Variants in ASAP2 observed in about 807,000 individuals in gnomAD.
The protein encoded by ASAP2 is arf-GAP with SH3 domain, ANK repeat and PH domain-containing protein 2.
In ASAP2, 45 loss-of-function variants were observed where a neutral mutation model predicts 131.4. The ratio of observed to expected loss-of-function variants is 0.34; its 90% CI spans 0.27 to 0.44. ASAP2 has a LOEUF of 0.44. Ranked by LOEUF, ASAP2 falls within the 20% of genes least tolerant of loss-of-function variation. ASAP2 has a pLI of 1.00. For missense variants in ASAP2, 1,011 were observed against 1,297.0 expected (o/e 0.78, Z 3.39); for synonymous variants, 510 against 503.0 (o/e 1.01, Z -0.19).
At chr2:9,295,546 C>T (rs914052945) in intron 2 of ASAP2, among the ~76,000 whole-genome samples, 4 of 152,218 alleles carry the variant, frequency 2.6e-5, no homozygotes, top group Admixed American at 2.0e-4. Flanking sequence ...GCTGACGCCG[C>T]AGGCCCAGCG....
chr2:9,338,147 T>C (rs543187792), intron 9 of ASAP2, among the ~76,000 whole-genome samples: 2 of 152,320 alleles, frequency 1.3e-5, no homozygotes, highest in African/African-American at 2.4e-5. Flanking sequence ...TCATCACTTG[T>C]GTGCAGGCTC....
intron 16 of ASAP2, among the ~76,000 whole-genome samples, chr2:9,374,462 G>A (rs953767635): frequency 5.3e-5 from 8 of 152,190 alleles, no homozygotes; most frequent in Admixed American, 2.0e-4. Flanking sequence ...TGACGAGGGC[G>A]ACAGTGAGGT....
At chr2:9,317,120 A>ACTCACATCCACATTCACACACTCC in intron 3 of ASAP2, among the ~76,000 whole-genome samples, 1 of 12,232 alleles carries the variant, frequency 8.2e-5, no homozygotes, top group African/African-American at 1.6e-4. Context: ...CCACGCAATC[A>ACTCACATCCACATTCACACACTCC]CAACCACACA....
intron 3 of ASAP2, among the ~76,000 whole-genome samples, chr2:9,301,976 G>A (rs966140174): frequency 6.6e-5 from 10 of 150,988 alleles, no homozygotes; most frequent in Non-Finnish European, 1.2e-4. Flanking sequence ...GGTGCCCACC[G>A]CCATGCCCGG....
chr2:9,341,489 G>A (rs766433407), intron 9 of ASAP2, among the ~76,000 whole-genome samples: 1 of 152,174 alleles, frequency 6.6e-6, no homozygotes, highest in South Asian at 2.1e-4. Context: ...CTGTTGAGAA[G>A]AATGTCCCTT....
chr2:9,365,866 C>G (rs907892437), intron 15 of ASAP2, among the ~76,000 whole-genome samples: 1 of 152,168 alleles, frequency 6.6e-6, no homozygotes, highest in Non-Finnish European at 1.5e-5. Flanking sequence ...AGAGTGTGCT[C>G]CTGAGGCCAC....
At chr2:9,343,365 A>C (rs1341982910) in intron 9 of ASAP2, among the ~76,000 whole-genome samples, 2 of 151,732 alleles carry the variant, frequency 1.3e-5, no homozygotes, top group African/African-American at 2.4e-5. Flanking sequence ...GTTTCCTTTA[A>C]GTCTCAGGGA....
In ASAP2 at chr2:9,210,953, C is replaced by T. The variant is rs113843535; in HGVS notation, c.126+3723C>T. ...GGCAGATCACTTGGGGTCAGGAGTT[C>T]GAAACCAGCCTGACCAACATGGAGA... On this transcript the variant is annotated intron_variant, in intron 1 of 27. Transcript: ENST00000281419. 3.1e-3 allele frequency among the ~76,000 whole-genome samples: 467 copies of T among 151,966 alleles called. 2 individuals carry two copies. Among genetic ancestry groups the T allele is most frequent in the African/African-American group, 0.01 (427 of 41,498 alleles).
rs73150994 is a variant in ASAP2 at position 9,404,260 on chromosome 2, G to C, written c.*933G>C. 6.6e-6 allele frequency: 1 copy of C among 152,170 alleles called. No individual in the cohort carries two copies. Among genetic ancestry groups the C allele is most frequent in the African/African-American group, 2.4e-5 (1 of 41,422 alleles). 9.4% of individuals were successfully genotyped at this position (152,170 alleles called of 1,614,324 possible). A position where few individuals can be genotyped will look rare whatever the true frequency, so the allele number is the denominator to read the frequency against. ...TCTAGCCCAGGAGAATGTTTACTCA[G>C]TTTAGTGTCTTGTATTTCTATAATA... is the stretch of plus-strand genomic sequence containing the variant. On this transcript the variant is annotated 3_prime_UTR_variant, in exon 28 of 28. Coordinates refer to ENST00000281419, the MANE Select transcript of ASAP2 (RefSeq NM_003887.3).
intron 1 of ASAP2, among the ~76,000 whole-genome samples, chr2:9,229,309 CT>C (rs1304929545): frequency 1.3e-5 from 2 of 152,154 alleles, no homozygotes; most frequent in Non-Finnish European, 2.9e-5. Flanking sequence ...CTGGACTGGA[CT>C]TTGCTCAGTG....
chr2:9,211,838 T>G (rs1472875707), intron 1 of ASAP2, among the ~76,000 whole-genome samples: 1 of 152,194 alleles, frequency 6.6e-6, no homozygotes, highest in Non-Finnish European at 1.5e-5. Flanking sequence ...TGAAAAACAG[T>G]TCCTCCAAGT....
chr2:9,353,741 G>A (rs898106157), intron 12 of ASAP2, among the ~76,000 whole-genome samples: 1 of 152,164 alleles, frequency 6.6e-6, no homozygotes, highest in African/African-American at 2.4e-5. Flanking sequence ...AGACTGGCTG[G>A]CTGGTTGCAG....
chr2:9,334,911 G>A (rs1006878219), intron 8 of ASAP2, 98 bp downstream of exon 8: 29 of 1,447,724 alleles, frequency 2.0e-5, no homozygotes, highest in South Asian at 7.1e-5. Flanking sequence ...TTTTCATGCC[G>A]TGCCGCCCAC....
chr2:9,368,447 C>A lies in ASAP2; in HGVS notation c.1484C>A (p.Ala495Glu), dbSNP rs1243503484. The change falls in exon 16 of 28, where the codon GCA (alanine) becomes GAA (glutamate). Residue 495 changes from alanine (A) to glutamate (E), a missense_variant. By Grantham distance (107) the Ala-to-Glu change is moderately radical. Around this residue, in one of 2 missense-constraint regions of ASAP2, gnomAD observed 652 missense variants for 698.9 expected, o/e 0.93. Transcript: ENST00000281419. ...CAGCTCGCCAAGAATATTGGGAATG[C>A]AGGCTTTAATGAGATCATGGAATGT... Reference protein sequence around the residue: ...ELLLAKNIGNAGFNEIMECCL... With the variant: ...ELLLAKNIGNEGFNEIMECCL... 3 of 1,614,070 alleles carry A rather than the reference C, an allele frequency of 1.9e-6. No individual in the cohort carries two copies. Among genetic ancestry groups the A allele is most frequent in the Non-Finnish European group, 2.5e-6 (3 of 1,179,998 alleles).
chr2:9,337,615 G>C (rs150659342), intron 9 of ASAP2, among the ~76,000 whole-genome samples: 9 of 152,316 alleles, frequency 5.9e-5, no homozygotes, highest in African/African-American at 2.2e-4. Context: ...GTAGAAGCCA[G>C]TGCTCCTCAT....
chr2:9,341,622 T>C (rs563322523), intron 9 of ASAP2, among the ~76,000 whole-genome samples: 2 of 152,194 alleles, frequency 1.3e-5, no homozygotes, highest in Non-Finnish European at 2.9e-5. Flanking sequence ...CCCAAATCAA[T>C]AGACGTATTT....
At chr2:9,294,892 T>C (rs1392201751) in intron 2 of ASAP2, among the ~76,000 whole-genome samples, 1 of 152,152 alleles carries the variant, frequency 6.6e-6, no homozygotes, top group Non-Finnish European at 1.5e-5. Flanking sequence ...AGCAGGACCA[T>C]GGAGGTTGCG....
At chr2:9,267,820 C>A (rs553599459) in intron 1 of ASAP2, among the ~76,000 whole-genome samples, 17 of 146,942 alleles carry the variant, frequency 1.2e-4, no homozygotes, top group Non-Finnish European at 1.6e-4. Context: ...ATCGCTTGAA[C>A]CCAGGAGGCA....
chr2:9,395,842 C>T (rs569065143), intron 24 of ASAP2, among the ~76,000 whole-genome samples: 1 of 151,968 alleles, frequency 6.6e-6, no homozygotes, highest in East Asian at 1.9e-4. Context: ...CTCCTGACCT[C>T]GTGATCTGCC....
Sources: gnomAD v4.1 joint callset for allele counts (sites outside exome capture counted in the v4.1 genomes callset) on GRCh38, gnomAD v4.1.1 for gene constraint, gnomAD v4.1.1 regional missense constraint, MANE v1.5 for transcripts, NCBI Gene and HGNC (gene_info 2026-07-23, HGNC 2026-07-21) for gene names.